OPN3: variants seen among roughly 807,000 people sequenced by gnomAD.
OPN3 encodes opsin-3.
In OPN3, 29 loss-of-function variants were observed where a neutral mutation model predicts 33.8. That is an observed-to-expected ratio of 0.86 (90% confidence interval 0.64 to 1.17). OPN3 has a LOEUF of 1.17. Among genes scored for constraint, OPN3 ranks in the 50% most tolerant of loss-of-function variants. OPN3 has a pLI of 0.00. For synonymous variants in OPN3, 216 were observed against 216.1 expected (o/e 1.00, Z 0.00); for missense variants, 437 against 514.1 (o/e 0.85, Z 1.45).
At chr1:241,629,686 G>C (rs1404038023) in intron 1 of OPN3, 1 of 152,036 alleles carries the variant, frequency 6.6e-6, no homozygotes, top group Non-Finnish European at 1.5e-5. Context: ...TGTGAGACTT[G>C]TAGTATTTTT....
chr1:241,602,634 A>T (rs1431195265), intron 2 of OPN3, among the ~76,000 whole-genome samples: 1 of 152,000 alleles, frequency 6.6e-6, no homozygotes, highest in Non-Finnish European at 1.5e-5. Flanking sequence ...ACAGAAAGAG[A>T]GACAGAGAGA....
intron 3 of OPN3, among the ~76,000 whole-genome samples, chr1:241,597,476 T>G (rs936332576): frequency 1.3e-5 from 2 of 152,198 alleles, no homozygotes; most frequent in Non-Finnish European, 2.9e-5. Context: ...TTGTAGCTGT[T>G]ATTACTAGGC....
intron 1 of OPN3, chr1:241,635,391 C>A: frequency 2.5e-6 from 4 of 1,613,974 alleles, no homozygotes; most frequent in Non-Finnish European, 3.4e-6. Flanking sequence ...TTAGACACCC[C>A]CAAAGAAGGA....
At chr1:241,620,971 A>C (rs941771560) in intron 1 of OPN3, among the ~76,000 whole-genome samples, 2 of 152,168 alleles carry the variant, frequency 1.3e-5, no homozygotes, top group Admixed American at 6.5e-5. Flanking sequence ...ACCTCCATCA[A>C]AAGGGAAAAA....
In OPN3 at chr1:241,604,300, A is replaced by G. The variant is rs1272637554; in HGVS notation, c.653T>C (p.Ile218Thr). Residue 218 changes from isoleucine to threonine, a missense_variant, in exon 2 of 4, where the codon ATA becomes ACA. Transcript: ENST00000366554. ...TAGAATATGGCCATAGCAATGGGCT[A>G]TGACACCCAGGGGCACCACCAGGCA... The part of the protein sequence containing the change: ...LGCLVVPLGV[I>T]AHCYGHILYS... The G allele has an allele frequency of 1.9e-5, 30 of 1,614,002 alleles. No individual in the cohort carries two copies. Among genetic ancestry groups the G allele is most frequent in the Non-Finnish European group, 2.4e-5 (28 of 1,180,000 alleles).
chr1:241,634,721 G>A, intron 1 of OPN3: 1 of 1,613,976 alleles, frequency 6.2e-7, no homozygotes, highest in African/African-American at 1.3e-5. Flanking sequence ...AGTGCAAGAT[G>A]ATTCTGATGT....
intron 3 of OPN3, 73 bp downstream of exon 3, chr1:241,597,673 C>G: frequency 1.4e-6 from 2 of 1,449,728 alleles, no homozygotes; most frequent in Non-Finnish European, 1.9e-6. Flanking sequence ...TGAATCACCT[C>G]TGTAAAAGTA....
intron 1 of OPN3, among the ~76,000 whole-genome samples, chr1:241,605,066 AAAAT>A (rs1663791753): frequency 8.3e-6 from 1 of 120,530 alleles, no homozygotes; most frequent in African/African-American, 3.5e-5. Flanking sequence ...AAAAAAAAAA[AAAAT>A]AAAATAAAAT....
Position 241,594,650 on chromosome 1 carries a change from C to A in OPN3, c.987G>T (p.Leu329=), listed in dbSNP as rs756271002. ...SLLQLLCLRL[L]RCQRPAKDLP... Reference sequence around the variant, plus strand: ...GGTCTTTAGCAGGCCTCTGGCACCTCAGCAGTCGGAGGCACAGAAGCTGCA... The same window carrying A: ...GGTCTTTAGCAGGCCTCTGGCACCTAAGCAGTCGGAGGCACAGAAGCTGCA... The change falls in exon 4 of 4, where the codon CTG becomes CTT. Residue 329 remains leucine, a synonymous_variant. Transcript: ENST00000366554. 1 of 1,614,054 alleles carries A rather than the reference C, an allele frequency of 6.2e-7. No individual in the cohort carries two copies. The highest frequency in any genetic ancestry group is 2.2e-5 in the East Asian group (1 of 44,864).
At chr1:241,616,042 T>C (rs1664116692) in intron 1 of OPN3, 1 of 446,452 alleles carries the variant, frequency 2.2e-6, no homozygotes, top group African/African-American at 2.0e-5. Context: ...TGTCATGCCA[T>C]GGGTTGTTTC....
At position 241,605,067 on chromosome 1, in the gene OPN3, A is replaced by AAAT. The variant is rs1553354025; in HGVS notation, c.374-491_374-489dup. Among the ~76,000 whole-genome samples, 177 of 91,022 alleles carry AAAT rather than the reference A, an allele frequency of 1.9e-3. 1 individual carries two copies. In the East Asian group the frequency reaches 0.029, roughly 15 times the overall value. The allele number at this position is 91,022 out of a possible 152,430, so 59.7% of individuals were successfully genotyped here. ...CCAGACCTTATCTCAAAAAAAAAAA[A>AAAT]AATAAAATAAAATAAAATGGAAAAT... On this transcript the variant is annotated intron_variant, in intron 1 of 3. Transcript: ENST00000366554.
In OPN3 at chr1:241,633,770, A is replaced by G. The variant is rs753704460; in HGVS notation, c.373+6112T>C. 34 of 1,610,644 alleles carry G rather than the reference A, an allele frequency of 2.1e-5. No individual in the cohort carries two copies. The South Asian group carries it at 3.8e-4, about 18-fold the overall frequency. ...ATTCTGATGCCATGAAGGAGGTCCA[A>G]AACAGCATTTCGAGATTGCTCTTTT... is the stretch of plus-strand genomic sequence containing the variant. On this transcript the variant is annotated intron_variant, in intron 1 of 3. Coordinates refer to ENST00000366554, the MANE Select transcript of OPN3 (RefSeq NM_014322.3).
intron 2 of OPN3, among the ~76,000 whole-genome samples, chr1:241,599,044 T>G (rs2147996958): frequency 6.6e-6 from 1 of 152,266 alleles, no homozygotes; most frequent in Middle Eastern, 3.4e-3. Context: ...AACATGTGCT[T>G]AGATTATTTA....
At chr1:241,607,636 GGAAGAAA>G (rs1457926379) in intron 1 of OPN3, among the ~76,000 whole-genome samples, 5 of 137,890 alleles carry the variant, frequency 3.6e-5, no homozygotes, top group Non-Finnish European at 4.6e-5. Flanking sequence ...AAAAGAAAAA[GGAAGAAA>G]GAAGAAAGAA....
chr1:241,594,722 A>T, intron 3 of OPN3, 31 bp from the exon 4 acceptor site: 1 of 1,599,454 alleles, frequency 6.3e-7, no homozygotes, highest in Non-Finnish European at 8.5e-7. Context: ...GTGGAATATT[A>T]AGTAAAAGTT....
intron 1 of OPN3, among the ~76,000 whole-genome samples, chr1:241,616,364 CTG>C (rs1361228183): frequency 6.6e-6 from 1 of 152,148 alleles, no homozygotes; most frequent in Non-Finnish European, 1.5e-5. Context: ...TTAAGAAACT[CTG>C]TGTATTTCTT....
rs140810282 is a variant in OPN3 at position 241,634,533 on chromosome 1, C to T, written c.373+5349G>A. On this transcript the variant is annotated intron_variant, in intron 1 of 3. Transcript: ENST00000366554. The stretch of plus-strand genomic sequence containing the variant: ...GCTTTACATCGTCCAGATTCTTTGT[C>T]GACTACAAAGCATTGTACTTTATGA... 4.7e-5 allele frequency: 76 copies of T among 1,613,856 alleles called. 1 individual carries two copies. In the African/African-American group the frequency reaches 6.3e-4, roughly 13 times the overall value.
intron 1 of OPN3, chr1:241,635,375 A>C: frequency 6.2e-7 from 1 of 1,614,066 alleles, no homozygotes; most frequent in East Asian, 2.2e-5. Context: ...AACTTCAGTG[A>C]AGGTATTAGA....
At chr1:241,595,392 A>T (rs1663476132) in intron 3 of OPN3, 1 of 152,268 alleles carries the variant, frequency 6.6e-6, no homozygotes, top group Non-Finnish European at 1.5e-5. Context: ...AAATGACTGC[A>T]TAGGACAGAT....
Sources: allele counts gnomAD v4.1 joint callset (sites outside exome capture counted in the v4.1 genomes callset), GRCh38; gene constraint gnomAD v4.1.1; transcripts MANE v1.5; gene names NCBI Gene and HGNC (gene_info 2026-07-23, HGNC 2026-07-21).